Variants in AGTPBP1 observed in about 807,000 individuals in gnomAD.
AGTPBP1 encodes ATP/GTP binding carboxypeptidase 1, also known as cytosolic carboxypeptidase 1.
In AGTPBP1, 70 loss-of-function variants were observed where a neutral mutation model predicts 143.9. The observed-to-expected ratio is 0.49, with a 90% CI of 0.40 to 0.59. The LOEUF (loss-of-function observed/expected upper bound fraction) is 0.59. AGTPBP1 is among the 20% of genes least tolerant of loss of function. The pLI is 0.00. For missense variants in AGTPBP1, 1,229 were observed against 1,464.5 expected, an observed-to-expected ratio of 0.84 and a Z score of 2.62; for synonymous variants, 463 against 500.2, an observed-to-expected ratio of 0.93 and a Z score of 0.99.
chr9:85,700,549 A>G (rs1836574969), intron 2 of AGTPBP1, among the ~76,000 whole-genome samples: 2 of 152,200 alleles, frequency 1.3e-5, no homozygotes, highest in Admixed American at 1.3e-4. Context: ...GAGAACTAAA[A>G]TATATGTGAC....
the AGTPBP1 span, among the ~76,000 whole-genome samples, chr9:85,761,673 A>G: frequency 8.5e-5 from 13 of 152,334 alleles, no homozygotes; most frequent in East Asian, 2.3e-3. Context: ...TAAAAACCCT[A>G]GAAGAAAACC....
chr9:85,798,089 A>G, the AGTPBP1 span, among the ~76,000 whole-genome samples: 4 of 144,442 alleles, frequency 2.8e-5, no homozygotes, highest in Admixed American at 2.8e-4. Context: ...TTTGGTGGAG[A>G]CGGGGTTTCA....
At chr9:85,648,881 G>A (rs1832980316) in intron 11 of AGTPBP1, among the ~76,000 whole-genome samples, 1 of 152,110 alleles carries the variant, frequency 6.6e-6, no homozygotes, top group Non-Finnish European at 1.5e-5. Flanking sequence ...AAAGGGAGAG[G>A]AGAAAATGCA....
chr9:85,803,951 A>G, the AGTPBP1 span, among the ~76,000 whole-genome samples: 78 of 152,274 alleles, frequency 5.1e-4, 2 homozygotes, highest in African/African-American at 1.8e-3. Flanking sequence ...TCAATCAGTT[A>G]GCAAATTCTA....
upstream of AGTPBP1, among the ~76,000 whole-genome samples, chr9:85,743,207 T>C (rs1252694984): frequency 6.6e-6 from 1 of 152,216 alleles, no homozygotes; most frequent in Admixed American, 6.5e-5. Context: ...TAAATATGTA[T>C]GTAATATACC....
chr9:85,641,640 A>G lies in AGTPBP1; in HGVS notation c.1302+1187T>C, dbSNP rs188956054. On this transcript the variant is annotated intron_variant, in intron 13 of 25. Coordinates refer to ENST00000357081, the MANE Select transcript of AGTPBP1 (RefSeq NM_001330701.2). ...TCTTTTATGGCATCTAAGGCTCCTAAGTTCCCAAGCTGAAACCTGAATGAT... is the reference window on the plus strand; with the variant it reads ...TCTTTTATGGCATCTAAGGCTCCTAGGTTCCCAAGCTGAAACCTGAATGAT... Among the ~76,000 whole-genome samples the G allele has an allele frequency of 2.6e-3, 392 of 152,218 alleles. 1 individual carries two copies. The highest frequency in any genetic ancestry group is 8.0e-3 in the African/African-American group (331 of 41,556).
intron 23 of AGTPBP1, 53 bp from the exon 24 acceptor site, chr9:85,579,149 A>G (rs1828080993): frequency 6.6e-7 from 1 of 1,513,106 alleles, no homozygotes; most frequent in African/African-American, 1.5e-5. Context: ...TTAATTTTAA[A>G]TGTTTTTAAT....
chr9:85,795,762 T>C, the AGTPBP1 span, among the ~76,000 whole-genome samples: 1 of 152,100 alleles, frequency 6.6e-6, no homozygotes, highest in Admixed American at 6.5e-5. Flanking sequence ...GGCCTCCAGC[T>C]GCATCCATGT....
At chr9:85,726,607 A>G (rs1454084058) in intron 1 of AGTPBP1, among the ~76,000 whole-genome samples, 1 of 152,258 alleles carries the variant, frequency 6.6e-6, no homozygotes, top group Non-Finnish European at 1.5e-5. Context: ...ATAAGTATCA[A>G]TGGATGTATA....
intron 3 of AGTPBP1, among the ~76,000 whole-genome samples, chr9:85,687,991 G>A (rs1444068408): frequency 6.7e-6 from 1 of 150,282 alleles, no homozygotes; most frequent in Non-Finnish European, 1.5e-5. Flanking sequence ...TCAGGGGGCT[G>A]AGGCAGGAGA....
At chr9:85,635,043 T>C (rs1305545598) in intron 13 of AGTPBP1, among the ~76,000 whole-genome samples, 1 of 152,212 alleles carries the variant, frequency 6.6e-6, no homozygotes, top group Non-Finnish European at 1.5e-5. Context: ...AGCAAACACT[T>C]TTCTATACAT....
chr9:85,681,265 T>C lies in AGTPBP1; in HGVS notation c.225+3A>G. On this transcript the variant is annotated splice_donor_region_variant and intron_variant, in intron 4 of 25. Coordinates refer to ENST00000357081, the MANE Select transcript of AGTPBP1 (RefSeq NM_001330701.2). Reference sequence around the variant, plus strand: ...ACATAATTAAAGCGTGTCACTGATTTACCTCTAATGTTGACAGCAGAATTT... The same window carrying C: ...ACATAATTAAAGCGTGTCACTGATTCACCTCTAATGTTGACAGCAGAATTT... The C allele has an allele frequency of 6.2e-7, 1 of 1,612,150 alleles. No homozygotes were observed. Among genetic ancestry groups the C allele is most frequent in the Non-Finnish European group, 8.5e-7 (1 of 1,179,376 alleles).
chr9:85,593,280 C>T (rs1039749060), intron 18 of AGTPBP1, among the ~76,000 whole-genome samples: 3 of 151,974 alleles, frequency 2.0e-5, no homozygotes, highest in African/African-American at 7.3e-5. Flanking sequence ...TTGTTAACAC[C>T]ACAGGGATGC....
intron 25 of AGTPBP1, chr9:85,554,414 A>T (rs1173706965): frequency 6.6e-6 from 1 of 152,576 alleles, no homozygotes; most frequent in East Asian, 1.9e-4. Context: ...CAAAAAATAA[A>T]CAAGTGAGCA....
At chr9:85,736,976 G>C (rs947464654) in intron 1 of AGTPBP1, among the ~76,000 whole-genome samples, 2 of 152,166 alleles carry the variant, frequency 1.3e-5, no homozygotes, top group Admixed American at 1.3e-4. Flanking sequence ...CGTGGTGGTA[G>C]GCGCCTGTAG....
intron 23 of AGTPBP1, among the ~76,000 whole-genome samples, chr9:85,582,328 T>G (rs1828318368): frequency 1.3e-5 from 2 of 152,222 alleles, no homozygotes. Context: ...TTCCTCAGTC[T>G]TATAACTTAA....
Position 85,579,070 on chromosome 9 carries a change from G to T in AGTPBP1, c.3192C>A (p.Ile1064=), listed in dbSNP as rs1302375945. Residue 1064 remains isoleucine (I), a synonymous_variant, in exon 24 of 26, where the codon ATC becomes ATA. Transcript: ENST00000357081. ...AGCTGCTCATGCAAAATGCTGGGGC[G>T]ATATGGCTCAGTATCTTAGGCAATG... ...YRTLPKILSH[I]APAFCMSSCS... The T allele has an allele frequency of 6.2e-7, 1 of 1,608,802 alleles. No homozygotes were observed.
chr9:85,580,460 C>T (rs1476684864), intron 23 of AGTPBP1, among the ~76,000 whole-genome samples: 1 of 151,292 alleles, frequency 6.6e-6, no homozygotes, highest in Admixed American at 6.6e-5. Flanking sequence ...CTCTGCGTCC[C>T]GGGTTCAAGC....
At chr9:85,726,145 G>A (rs532825162) in intron 1 of AGTPBP1, among the ~76,000 whole-genome samples, 1 of 146,748 alleles carries the variant, frequency 6.8e-6, no homozygotes, top group Non-Finnish European at 1.5e-5. Context: ...TAGAAGGATC[G>A]CTTGAGCCTG....
Sources: allele counts gnomAD v4.1 joint callset (sites outside exome capture counted in the v4.1 genomes callset), GRCh38; gene constraint gnomAD v4.1.1; transcripts MANE v1.5; gene names NCBI Gene and HGNC (gene_info 2026-07-23, HGNC 2026-07-21).